Variants in MACROD2 observed in about 807,000 individuals in gnomAD.
MACROD2 encodes the protein ADP-ribose glycohydrolase MACROD2.
Under a neutral mutation model 70.4 loss-of-function variants are expected in MACROD2, and 36 were observed. That is an observed-to-expected ratio of 0.51 (90% CI 0.39 to 0.68). MACROD2 has a LOEUF of 0.68. Ranked by LOEUF, MACROD2 falls within the 30% of genes least tolerant of loss-of-function variation. MACROD2 has a pLI of 0.00. For synonymous variants in MACROD2, 172 were observed against 178.8 expected, an observed-to-expected ratio of 0.96 and a Z score of 0.30; for missense variants, 496 against 538.4, an observed-to-expected ratio of 0.92 and a Z score of 0.78.
chr20:14,904,848 T>C (rs1284881370), intron 5 of MACROD2: 1 of 152,190 alleles, frequency 6.6e-6, no homozygotes, highest in South Asian at 2.1e-4. Context: ...ATTATATGTA[T>C]AGTAGGAAGC....
intron 3 of MACROD2, among the ~76,000 whole-genome samples, chr20:14,131,373 C>T (rs931728309): frequency 3.3e-5 from 5 of 152,100 alleles, no homozygotes; most frequent in African/African-American, 1.2e-4. Context: ...AATCAAATAG[C>T]AGAACCATCT....
chr20:14,881,784 C>T (rs1027037350), intron 5 of MACROD2, among the ~76,000 whole-genome samples: 1 of 152,070 alleles, frequency 6.6e-6, no homozygotes. Flanking sequence ...AGAACCAGGG[C>T]CCTCTAAGTC....
chr20:16,029,997 C>T (rs373613407), intron 15 of MACROD2, among the ~76,000 whole-genome samples: 4 of 152,254 alleles, frequency 2.6e-5, no homozygotes, highest in South Asian at 2.1e-4. Context: ...GAAGGAGCCA[C>T]CTTCGCTCTC....
chr20:15,944,061 G>A (rs1321237199), intron 12 of MACROD2, among the ~76,000 whole-genome samples: 2 of 151,976 alleles, frequency 1.3e-5, no homozygotes, highest in Non-Finnish European at 2.9e-5. Flanking sequence ...AATTTACATA[G>A]CCAGTGCCCT....
At chr20:14,543,952 G>A (rs1404549190) in intron 4 of MACROD2, among the ~76,000 whole-genome samples, 1 of 152,114 alleles carries the variant, frequency 6.6e-6, no homozygotes, top group Non-Finnish European at 1.5e-5. Flanking sequence ...TAGACCCCAA[G>A]TCAGTCAATT....
intron 7 of MACROD2, among the ~76,000 whole-genome samples, chr20:15,496,848 A>C (rs1453593393): frequency 1.3e-5 from 2 of 152,182 alleles, no homozygotes; most frequent in African/African-American, 4.8e-5. Context: ...AATGCTAACT[A>C]TGCCTATGCC....
intron 7 of MACROD2, among the ~76,000 whole-genome samples, chr20:15,490,033 C>G (rs544057314): frequency 2.0e-4 from 31 of 152,300 alleles, no homozygotes; most frequent in Non-Finnish European, 8.8e-5. Flanking sequence ...ATTACTTTCT[C>G]TTCAAGCAGA....
chr20:15,668,362 G>A (rs571447309), intron 8 of MACROD2, among the ~76,000 whole-genome samples: 2 of 152,164 alleles, frequency 1.3e-5, no homozygotes, highest in Admixed American at 6.5e-5. Flanking sequence ...GAGGTCGGGG[G>A]TTCAAGACCA....
intron 8 of MACROD2, among the ~76,000 whole-genome samples, chr20:15,783,540 T>G (rs1384022780): frequency 6.6e-6 from 1 of 152,252 alleles, no homozygotes; most frequent in Non-Finnish European, 1.5e-5. Context: ...TCACCTATAT[T>G]GATTAAAAGT....
intron 3 of MACROD2, among the ~76,000 whole-genome samples, chr20:14,346,093 CAAAAAAA>C (rs71190130): frequency 1.7e-4 from 7 of 41,170 alleles, no homozygotes; most frequent in African/African-American, 6.4e-4. Flanking sequence ...GATTCTGCCT[CAAAAAAA>C]AAAAAAAAAA....
At chr20:15,112,713 A>T (rs995120756) in intron 5 of MACROD2, among the ~76,000 whole-genome samples, 1 of 152,158 alleles carries the variant, frequency 6.6e-6, no homozygotes, top group Non-Finnish European at 1.5e-5. Flanking sequence ...TTCACACGGT[A>T]GTGCGGCCAC....
rs148842346 is a variant in MACROD2, at chr20:15,979,702, T to C, written c.986-7025T>C. Among the ~76,000 whole-genome samples, 583 of 152,258 alleles carry C rather than the reference T, an allele frequency of 3.8e-3. 6 individuals carry two copies. Among genetic ancestry groups the C allele is most frequent in the African/African-American group, 0.013 (555 of 41,544 alleles). ...GCCAGATTTCAATTTCCTCTCTTAA[T>C]GAGCACTTAAATGTTTTAAATGCTA... On this transcript the variant is annotated intron_variant, in intron 13 of 17. Transcript: ENST00000684519.
At chr20:15,930,071 C>A (rs780373585) in intron 10 of MACROD2, among the ~76,000 whole-genome samples, 10 of 152,164 alleles carry the variant, frequency 6.6e-5, no homozygotes, top group Non-Finnish European at 1.3e-4. Flanking sequence ...GAACATTTAG[C>A]TTCTATGTGG....
At chr20:14,767,675 T>C (rs1328095413) in intron 5 of MACROD2, among the ~76,000 whole-genome samples, 1 of 151,858 alleles carries the variant, frequency 6.6e-6, no homozygotes, top group Non-Finnish European at 1.5e-5. Flanking sequence ...AGTTCTGGAG[T>C]ACATATGCAG....
intron 3 of MACROD2, among the ~76,000 whole-genome samples, chr20:14,146,846 T>C (rs2054949136): frequency 6.6e-6 from 1 of 152,208 alleles, no homozygotes; most frequent in Non-Finnish European, 1.5e-5. Context: ...AAGTAGAGAA[T>C]GCTTATAGAG....
intron 9 of MACROD2, among the ~76,000 whole-genome samples, chr20:15,863,333 TG>T (rs1272178210): frequency 6.6e-6 from 1 of 152,200 alleles, no homozygotes; most frequent in East Asian, 1.9e-4. Context: ...TAGTGCAGTC[TG>T]AGAATGGCAG....
At chr20:14,769,034 T>C (rs2072130294) in intron 5 of MACROD2, among the ~76,000 whole-genome samples, 2 of 152,178 alleles carry the variant, frequency 1.3e-5, no homozygotes, top group African/African-American at 4.8e-5. Flanking sequence ...AGTGAGGCCT[T>C]AGGCCTCATT....
chr20:15,625,194 A>G (rs559372068), intron 8 of MACROD2, among the ~76,000 whole-genome samples: 6 of 152,328 alleles, frequency 3.9e-5, no homozygotes, highest in Admixed American at 2.0e-4. Flanking sequence ...TGAAGGAGGA[A>G]AATGACAAAC....
At chr20:15,774,738 G>C (rs1052596985) in intron 8 of MACROD2, among the ~76,000 whole-genome samples, 1 of 151,754 alleles carries the variant, frequency 6.6e-6, no homozygotes, top group Non-Finnish European at 1.5e-5. Context: ...TCGAGTTTCA[G>C]AGAAAAAAAG....
Sources: allele counts gnomAD v4.1 joint callset (sites outside exome capture counted in the v4.1 genomes callset), GRCh38; gene constraint gnomAD v4.1.1; transcripts MANE v1.5; gene names NCBI Gene and HGNC (gene_info 2026-07-23, HGNC 2026-07-21).